Variants in DNAJA4 observed in about 807,000 individuals in gnomAD.
DNAJA4 encodes the protein DnaJ heat shock protein family (Hsp40) member A4.
A neutral mutation model predicts 39.7 loss-of-function variants in DNAJA4; 32 were observed. The ratio of observed to expected loss-of-function variants is 0.81; its 90% CI spans 0.61 to 1.08. The LOEUF is 1.08. Ranked by LOEUF, DNAJA4 falls within the 50% of genes least tolerant of loss-of-function variation. DNAJA4 has a pLI of 0.00. For synonymous variants in DNAJA4, 184 were observed against 182.4 expected (o/e 1.01, Z -0.07); for missense variants, 439 against 505.1 (o/e 0.87, Z 1.25).
Position 78,280,536 on chromosome 15 carries a change from C to T in DNAJA4, c.*76C>T. ...AGTTGGCACAATGAAAATGACATCG[C>T]TTTAATGGCCTTGTGTTTGGGATGT... On this transcript the variant is annotated 3_prime_UTR_variant, in exon 7 of 7. Coordinates refer to ENST00000394852, the MANE Select transcript of DNAJA4 (RefSeq NM_001130182.2). 1.6e-6 allele frequency: 2 copies of T among 1,244,938 alleles called. No individual in the cohort carries two copies. Among genetic ancestry groups the T allele is most frequent in the Non-Finnish European group, 2.2e-6 (2 of 895,344 alleles). The allele number at this position is 1,244,938 out of a possible 1,614,324, so 77.1% of individuals were successfully genotyped here.
At chr15:78,278,316 G>C (rs748556597) in intron 5 of DNAJA4, 2 of 455,460 alleles carry the variant, frequency 4.4e-6, no homozygotes, top group South Asian at 3.1e-5. Context: ...TAGGAATGGG[G>C]AGACAGAAAA....
In DNAJA4 at chr15:78,278,826, A is replaced by ATTTTTT. The variant is rs33990133; in HGVS notation, c.878-1200_878-1195dup. ...ACCACCATTCCTGGCTAGTTTTTCT[A>ATTTTTT]TTTTTTTTTTTTTTTTTTTTTTTTA... On this transcript the variant is annotated intron_variant, in intron 5 of 6. Coordinates refer to ENST00000394852, the MANE Select transcript of DNAJA4 (RefSeq NM_001130182.2). Among the ~76,000 whole-genome samples the ATTTTTT allele has an allele frequency of 1.7e-4, 15 of 87,480 alleles. 1 individual carries two copies. Among genetic ancestry groups the ATTTTTT allele is most frequent in the African/African-American group, 5.2e-4 (11 of 21,044 alleles). 57.4% of individuals were successfully genotyped at this position (87,480 alleles called of 152,430 possible).
At chr15:78,265,902 T>TA in intron 1 of DNAJA4, 1 of 594,376 alleles carries the variant, frequency 1.7e-6, no homozygotes, top group Non-Finnish European at 3.0e-6. Context: ...GGAATCAAAA[T>TA]ACCTGTCTGT....
upstream of DNAJA4, chr15:78,264,254 C>A: frequency 1.7e-6 from 2 of 1,178,932 alleles, no homozygotes; most frequent in South Asian, 1.9e-5. Context: ...GGCCTCGGGG[C>A]GGCGGGACAG....
intron 1 of DNAJA4, chr15:78,266,044 A>G (rs974198325): frequency 3.2e-5 from 19 of 595,658 alleles, no homozygotes; most frequent in African/African-American, 3.2e-4. Flanking sequence ...CTGTAAGACC[A>G]TTTGTCTGTT....
intron 1 of DNAJA4, among the ~76,000 whole-genome samples, chr15:78,267,181 A>T (rs62007835): frequency 0.017 from 1,561 of 90,002 alleles, 48 homozygotes; most frequent in South Asian, 0.098. Flanking sequence ...TGAGTGTGTG[A>T]GTGTGTGTGT....
chr15:78,269,027 G>C (rs1230355374), intron 1 of DNAJA4, among the ~76,000 whole-genome samples: 2 of 152,224 alleles, frequency 1.3e-5, no homozygotes, highest in East Asian at 3.8e-4. Flanking sequence ...CCAGGCTGAG[G>C]TGCCTCTGAG....
At position 78,264,564 on chromosome 15, in the gene DNAJA4, T is replaced by A. The variant is rs1344561376; in HGVS notation, c.-200T>A. The A allele has an allele frequency of 1.7e-6, 2 of 1,186,354 alleles. No homozygotes were observed. The highest frequency in any genetic ancestry group is 3.2e-5 in the African/African-American group (2 of 62,430). The allele number at this position is 1,186,354 out of a possible 1,614,324, so 73.5% of individuals were successfully genotyped here. On this transcript the variant is annotated 5_prime_UTR_variant, in exon 1 of 7. Transcript: ENST00000394852. The stretch of plus-strand genomic sequence containing the variant: ...GCCGCGGAGGAGCCGGTGGCTCTAG[T>A]GCGGTGGAGCCAGGCGTGGAAGTCG...
rs761391866 is a variant in DNAJA4, at chr15:78,280,831, C to G, written c.*371C>G. Reference sequence around the variant, plus strand: ...TAGCAGCTTAGCCCCCCTAGCAAACCCCAAGGCACAAAGTGGGCATCCTGA... The same window carrying G: ...TAGCAGCTTAGCCCCCCTAGCAAACGCCAAGGCACAAAGTGGGCATCCTGA... On this transcript the variant is annotated 3_prime_UTR_variant, in exon 7 of 7. Transcript: ENST00000394852. The G allele has an allele frequency of 5.4e-6, 1 of 184,980 alleles. No individual in the cohort carries two copies. Among genetic ancestry groups the G allele is most frequent in the Non-Finnish European group, 1.1e-5 (1 of 88,356 alleles). 11.5% of individuals were successfully genotyped at this position (184,980 alleles called of 1,614,324 possible). A position where few individuals can be genotyped will look rare whatever the true frequency, so the allele number is the denominator to read the frequency against.
intron 4 of DNAJA4, chr15:78,275,205 T>C: frequency 2.5e-6 from 1 of 401,796 alleles, no homozygotes; most frequent in Non-Finnish European, 4.6e-6. Flanking sequence ...GACCCTATGC[T>C]GGTGGTGTGG....
At chr15:78,265,829 T>C (rs565878615) in intron 1 of DNAJA4, 1 of 610,392 alleles carries the variant, frequency 1.6e-6, no homozygotes, top group African/African-American at 1.8e-5. Context: ...CAGTGTCACT[T>C]GGGCCACGTT....
At chr15:78,272,978 A>G in intron 2 of DNAJA4, 117 bp from the exon 3 acceptor site, 1 of 694,730 alleles carries the variant, frequency 1.4e-6, no homozygotes, top group South Asian at 1.8e-5. Flanking sequence ...GGAGCGCATG[A>G]CCCAGCCACA....
rs765085469 is a variant in DNAJA4, at chr15:78,264,791, A to G, written c.28A>G (p.Ile10Val). The G allele has an allele frequency of 4.7e-5, 76 of 1,608,594 alleles. No homozygotes were observed. In the Middle Eastern group the frequency reaches 2.1e-3, roughly 45 times the overall value. Residue 10 changes from isoleucine (I) to valine (V), a missense_variant, in exon 1 of 7, where the codon ATC becomes GTC. By Grantham distance (29) the Ile-to-Val change is conservative (BLOSUM62 3). Transcript: ENST00000394852. Reference sequence around the variant, plus strand: ...GGTGAAGGAGACCCAGTACTATGACATCCTGGGCGTGAAGCCCAGCGCGTC... The same window carrying G: ...GGTGAAGGAGACCCAGTACTATGACGTCCTGGGCGTGAAGCCCAGCGCGTC... MVKETQYYD[I>V]LGVKPSASPE...
At chr15:78,273,720 A>C (rs1396743826) in intron 3 of DNAJA4, among the ~76,000 whole-genome samples, 2 of 152,210 alleles carry the variant, frequency 1.3e-5, no homozygotes, top group African/African-American at 4.8e-5. Context: ...TTGACCCCTG[A>C]CTTAAATGTA....
At chr15:78,270,735 G>A in intron 2 of DNAJA4, 58 bp downstream of exon 2, 1 of 1,563,774 alleles carries the variant, frequency 6.4e-7, no homozygotes, top group Non-Finnish European at 8.7e-7. Context: ...TATACGTGTT[G>A]TTGGAATCAG....
chr15:78,269,621 G>A (rs1426456041), intron 1 of DNAJA4, among the ~76,000 whole-genome samples: 1 of 152,096 alleles, frequency 6.6e-6, no homozygotes, highest in African/African-American at 2.4e-5. Flanking sequence ...CATAACCATA[G>A]TAAAGTTATC....
intron 5 of DNAJA4, 132 bp downstream of exon 5, chr15:78,275,860 T>C: frequency 3.0e-6 from 2 of 656,902 alleles, no homozygotes; most frequent in Non-Finnish European, 5.1e-6. Flanking sequence ...CTTTGTCCCT[T>C]GCATAAAATG....
rs116408937 is a variant in DNAJA4, at chr15:78,272,855, C to T, written c.314-240C>T. 2.9e-3 allele frequency among the ~76,000 whole-genome samples: 449 copies of T among 152,280 alleles called. 3 individuals carry two copies. The highest frequency in any genetic ancestry group is 0.01 in the African/African-American group (425 of 41,552). On this transcript the variant is annotated intron_variant, in intron 2 of 6. Transcript: ENST00000394852. Reference sequence around the variant, plus strand: ...AGGTGGAAAGTCTTTTTGTTGGCCTCTATAAATGATTGAATAATTAGCTCA... The same window carrying T: ...AGGTGGAAAGTCTTTTTGTTGGCCTTTATAAATGATTGAATAATTAGCTCA...
upstream of DNAJA4, chr15:78,264,313 C>A (rs2049053576): frequency 1.4e-6 from 2 of 1,397,706 alleles, no homozygotes; most frequent in East Asian, 3.1e-5. Context: ...CGGCCCCCGC[C>A]ATGGCCCGGG....
Sources: gnomAD v4.1 joint callset for allele counts (sites outside exome capture counted in the v4.1 genomes callset) on GRCh38, gnomAD v4.1.1 for gene constraint, MANE v1.5 for transcripts, NCBI Gene and HGNC (gene_info 2026-07-23, HGNC 2026-07-21) for gene names.